ISM2: variants seen among roughly 807,000 people sequenced by gnomAD.
The protein encoded by ISM2 is isthmin-2.
A neutral mutation model predicts 58.0 loss-of-function variants in ISM2; 50 were observed. The observed-to-expected ratio is 0.86, with a 90% CI of 0.69 to 1.09. The LOEUF (loss-of-function observed/expected upper bound fraction) is 1.09, where lower values mean the gene tolerates loss of function less well. ISM2 is among the 50% of genes least tolerant of loss of function. The pLI is 0.00. For synonymous variants in ISM2, 303 were observed against 312.4 expected, an observed-to-expected ratio of 0.97 and a Z score of 0.32; for missense variants, 723 against 745.0, an observed-to-expected ratio of 0.97 and a Z score of 0.34.
chr14:77,497,421 A>C (rs956471977), intron 1 of ISM2, among the ~76,000 whole-genome samples: 1 of 149,670 alleles, frequency 6.7e-6, no homozygotes, highest in Non-Finnish European at 1.5e-5. Context: ...ACCATGGCTC[A>C]TGCCTGTAAT....
intron 1 of ISM2, among the ~76,000 whole-genome samples, chr14:77,492,153 C>T (rs2079209458): frequency 6.6e-6 from 1 of 152,282 alleles, no homozygotes; most frequent in South Asian, 2.1e-4. Flanking sequence ...TGAGCCACCA[C>T]ACCCAGCCTC....
At position 77,484,742 on chromosome 14, in the gene ISM2, G is replaced by T; in HGVS notation, c.319C>A (p.Leu107Met). Residue 107 changes from leucine (L) to methionine (M), a missense_variant, in exon 2 of 7, where the codon CTG (leucine) becomes ATG (methionine). Coordinates refer to ENST00000342219, the MANE Select transcript of ISM2 (RefSeq NM_199296.3). The stretch of plus-strand genomic sequence containing the variant: ...AATCCCGGCAGCTTCTGCAGCTCCA[G>T]CCGCAACGGAGTAACCTCTGGGGTC... ...PRTPEVTPLRLELQKLPGLAN... is the reference protein window; with the variant it reads ...PRTPEVTPLRMELQKLPGLAN... 1 of 1,612,796 alleles carries T rather than the reference G, an allele frequency of 6.2e-7. No homozygotes were observed. Among genetic ancestry groups the T allele is most frequent in the Non-Finnish European group, 8.5e-7 (1 of 1,179,780 alleles).
chr14:77,488,387 G>A (rs764644096), intron 1 of ISM2, among the ~76,000 whole-genome samples: 6 of 152,274 alleles, frequency 3.9e-5, no homozygotes, highest in South Asian at 2.1e-4. Context: ...CAACACCTGC[G>A]CACTGGTGCA....
At chr14:77,498,285 C>T (rs1407926356) in intron 1 of ISM2, 2 of 1,325,380 alleles carry the variant, frequency 1.5e-6, no homozygotes, top group African/African-American at 3.0e-5. Flanking sequence ...ATTCCTCGCA[C>T]CGGCGGGACT....
intron 1 of ISM2, among the ~76,000 whole-genome samples, chr14:77,488,818 A>G (rs1418276939): frequency 2.8e-4 from 42 of 152,146 alleles, no homozygotes; most frequent in Non-Finnish European, 1.0e-4. Flanking sequence ...CACTGCTGCA[A>G]AATCACTCGG....
chr14:77,476,169 G>T, intron 6 of ISM2, 57 bp from the exon 7 acceptor site: 1 of 1,489,030 alleles, frequency 6.7e-7, no homozygotes, highest in South Asian at 1.3e-5. Context: ...GGCCCGTGTG[G>T]GGCGGGGACT....
Position 77,478,557 on chromosome 14 carries a change from G to C in ISM2, c.1114+18C>G. 1 of 1,607,946 alleles carries C rather than the reference G, an allele frequency of 6.2e-7. No homozygotes were observed. Among genetic ancestry groups the C allele is most frequent in the Non-Finnish European group, 8.5e-7 (1 of 1,175,286 alleles). On this transcript the variant is annotated intron_variant, in intron 5 of 6. Transcript: ENST00000342219. ...GCCGCACCAGCCACTCCTATGCAGG[G>C]GTAGGGGCTCATCTCACCAGGACAG...
chr14:77,489,271 C>T (rs1318002999), intron 1 of ISM2, among the ~76,000 whole-genome samples: 1 of 152,180 alleles, frequency 6.6e-6, no homozygotes, highest in South Asian at 2.1e-4. Context: ...GTGCAGGTCC[C>T]GCAGCCCTAG....
rs2079084168 is a variant in ISM2, at chr14:77,474,490, T to C, written c.*1105A>G. The C allele has an allele frequency of 6.6e-6, 1 of 152,204 alleles. No homozygotes were observed. Among genetic ancestry groups the C allele is most frequent in the South Asian group, 2.1e-4 (1 of 4,830 alleles). The allele number at this position is 152,204 out of a possible 1,614,324, so 9.4% of individuals were successfully genotyped here. On this transcript the variant is annotated 3_prime_UTR_variant, in exon 7 of 7. Coordinates refer to ENST00000342219, the MANE Select transcript of ISM2 (RefSeq NM_199296.3). ...AAGTCCCCTAACTTTTGGTGGCTCT[T>C]GTGAACAGAGACAGTTGAGACTTCA...
chr14:77,484,528 T>C lies in ISM2; in HGVS notation c.422A>G (p.Glu141Gly). Residue 141 changes from glutamate (E) to glycine (G), a missense_variant, in exon 3 of 7, where the codon GAG (glutamate) becomes GGG (glycine). Glu to Gly is a moderately conservative substitution (Grantham distance 98). Coordinates refer to ENST00000342219, the MANE Select transcript of ISM2 (RefSeq NM_199296.3). ...TCTGGGGAGCAGTCGTGCCTCCTCC[T>C]CTTCCCTCAGAGGCCTAGGATCTGG... ...ASPDPRPLRE[E>G]EEARLLPRTH... is the part of the protein sequence containing the mutation. 6.3e-7 allele frequency: 1 copy of C among 1,595,580 alleles called. No individual in the cohort carries two copies.
chr14:77,498,697 G>A lies in ISM2; in HGVS notation c.97C>T (p.Arg33Trp). 1.2e-5 allele frequency: 18 copies of A among 1,483,756 alleles called. No homozygotes were observed. The highest frequency in any genetic ancestry group is 2.3e-5 in the Admixed American group (1 of 43,796). 91.9% of individuals were successfully genotyped at this position (1,483,756 alleles called of 1,614,324 possible). The change falls in exon 1 of 7, where the codon CGG (arginine) becomes TGG (tryptophan). Residue 33 changes from arginine (R) to tryptophan (W), a missense_variant. Arg to Trp is a moderately radical substitution (Grantham distance 101, BLOSUM62 -3). Transcript: ENST00000342219. ...CTCCCAGGCCGTGGTCCGCGGAGCC[G>A]CGGCTTCTTCACGGGGAGCCCTAGC... ...AALGLPVKKP[R>W]LRGPRPGSLT... is the part of the protein sequence containing the mutation.
chr14:77,482,567 G>A lies in ISM2; in HGVS notation c.728C>T (p.Pro243Leu). The change falls in exon 4 of 7, where the codon CCC becomes CTC. Residue 243 changes from proline (P) to leucine (L), a missense_variant. By Grantham distance (98) the Pro-to-Leu change is moderately conservative. Coordinates refer to ENST00000342219, the MANE Select transcript of ISM2 (RefSeq NM_199296.3). ...TCCCCAGAGGAAGGACCAGAGGGCG[G>A]GCAGCCAGCTAAGGGTATCCTGGGG... is the stretch of plus-strand genomic sequence containing the variant. ...PPPQDTLSWL[P>L]ALWSFLWGDY... 7 of 1,613,922 alleles carry A rather than the reference G, an allele frequency of 4.3e-6. No individual in the cohort carries two copies. The highest frequency in any genetic ancestry group is 1.7e-4 in the Middle Eastern group (1 of 6,060).
intron 3 of ISM2, chr14:77,482,899 A>G: frequency 2.2e-6 from 1 of 456,812 alleles, no homozygotes; most frequent in Admixed American, 4.1e-5. Context: ...TAATTCGCAG[A>G]TGCCAGGTAT....
rs781502093 is a variant in ISM2 at position 77,475,980 on chromosome 14, AG to A, written c.1330del (p.Leu444TyrfsTer58). On this transcript the variant is annotated frameshift_variant, in exon 7 of 7. Coordinates refer to ENST00000342219, the MANE Select transcript of ISM2 (RefSeq NM_199296.3). LOFTEE classifies it high-confidence loss of function. The surrounding 1 kb of genome is among the most constrained non-coding windows in gnomAD (Gnocchi z 4.1). ...PLEAMDSPVSLQDEHQGRSFR... is the reference protein window; with the variant it reads ...PLEAMDSPVSXQDEHQGRSFR... ...GCTGCGGCCCTGGTGCTCGTCCTGT[AG>A]GCTCACAGGGCTGTCCATGGCCTCC... 1.9e-6 allele frequency: 3 copies of A among 1,595,390 alleles called. No homozygotes were observed. In the Admixed American group the frequency reaches 5.0e-5, roughly 27 times the overall value.
Position 77,484,229 on chromosome 14 carries a change from C to CG in ISM2, c.627+93dup, listed in dbSNP as rs1471520661. 4.0e-6 allele frequency: 6 copies of CG among 1,490,432 alleles called. No individual in the cohort carries two copies. The Admixed American group carries it at 6.1e-5, about 15-fold the overall frequency. 92.3% of individuals were successfully genotyped at this position (1,490,432 alleles called of 1,614,324 possible). On this transcript the variant is annotated intron_variant, in intron 3 of 6. Transcript: ENST00000342219. ...CCCCACACAGCAGCCCCACCCTCCACGGAATCCAGGATATAGGGTATCCTG... is the reference window on the plus strand; with the variant it reads ...CCCCACACAGCAGCCCCACCCTCCACGGGAATCCAGGATATAGGGTATCCTG...
intron 4 of ISM2, 144 bp from the exon 5 acceptor site, chr14:77,478,859 A>G: frequency 1.3e-6 from 1 of 765,742 alleles, no homozygotes; most frequent in South Asian, 1.7e-5. Flanking sequence ...GCTGGATTTC[A>G]GCTTCCACCT....
chr14:77,489,604 C>A (rs2079188692), intron 1 of ISM2, among the ~76,000 whole-genome samples: 1 of 151,942 alleles, frequency 6.6e-6, no homozygotes, highest in South Asian at 2.1e-4. Flanking sequence ...CCTCGATATT[C>A]CTGGGCTCAA....
rs764953502 is a variant in ISM2 at position 77,484,791 on chromosome 14, G to A, written c.270C>T (p.Thr90=). The change falls in exon 2 of 7, where the codon ACC becomes ACT. Residue 90 remains threonine (T), a synonymous_variant. Coordinates refer to ENST00000342219, the MANE Select transcript of ISM2 (RefSeq NM_199296.3). The part of the protein sequence containing the change: ...CWTVTEPAAM[T]PGNATPPRTP... ...TCCTGGGAGGGGTGGCGTTGCCTGG[G>A]GTCATGGCTGCTGGCTCAGTGACAG... 9.9e-6 allele frequency: 16 copies of A among 1,610,490 alleles called. No individual in the cohort carries two copies. The Admixed American group carries it at 2.7e-4, about 27-fold the overall frequency.
At chr14:77,488,281 G>T (rs941784050) in intron 1 of ISM2, among the ~76,000 whole-genome samples, 22 of 152,226 alleles carry the variant, frequency 1.4e-4, no homozygotes, top group African/African-American at 5.1e-4. Context: ...TTATGTTAAA[G>T]ATGAGGCTAT....
Sources: allele counts gnomAD v4.1 joint callset (sites outside exome capture counted in the v4.1 genomes callset), GRCh38; gene constraint gnomAD v4.1.1; non-coding constraint Gnocchi (gnomAD v3.1); transcripts MANE v1.5; gene names NCBI Gene and HGNC (gene_info 2026-07-23, HGNC 2026-07-21).